Variants in ITSN1 observed in about 807,000 individuals in gnomAD.
ITSN1 encodes intersectin 1.
A neutral mutation model predicts 239.8 loss-of-function variants in ITSN1; 58 were observed. That is an observed-to-expected ratio of 0.24 (90% CI 0.20 to 0.30). The LOEUF (loss-of-function observed/expected upper bound fraction) is 0.30, where lower values mean the gene tolerates loss of function less well. Among genes scored for constraint, ITSN1 ranks in the 10% least tolerant of loss-of-function variants. ITSN1 has a pLI of 1.00. For missense variants in ITSN1, 1,558 were observed against 2,103.3 expected (o/e 0.74, Z 5.07); for synonymous variants, 780 against 770.8 (o/e 1.01, Z -0.20).
At chr21:33,731,973 CATCA>C (rs925916609) in intron 4 of ITSN1, among the ~76,000 whole-genome samples, 2 of 152,140 alleles carry the variant, frequency 1.3e-5, no homozygotes, top group East Asian at 3.9e-4. Context: ...AGACATAAGA[CATCA>C]ATCAATATAT....
At chr21:33,699,342 T>C (rs949746000) in intron 1 of ITSN1, among the ~76,000 whole-genome samples, 2 of 152,222 alleles carry the variant, frequency 1.3e-5, no homozygotes, top group Non-Finnish European at 2.9e-5. Context: ...ATTACACTTA[T>C]TACCTTAGTA....
chr21:33,800,087 C>G (rs2071864069), intron 19 of ITSN1, among the ~76,000 whole-genome samples, 158 bp downstream of exon 19: 1 of 151,920 alleles, frequency 6.6e-6, no homozygotes, highest in Non-Finnish European at 1.5e-5. Context: ...TCTTTCTTTT[C>G]TATTAAAATG....
chr21:33,771,466 G>T (rs1309549388), intron 11 of ITSN1, among the ~76,000 whole-genome samples: 1 of 152,108 alleles, frequency 6.6e-6, no homozygotes, highest in Non-Finnish European at 1.5e-5. Context: ...AAATAAAATG[G>T]ACATAAAGTA....
chr21:33,837,050 A>G, intron 29 of ITSN1: 1 of 1,609,148 alleles, frequency 6.2e-7, no homozygotes, highest in Non-Finnish European at 8.5e-7. Flanking sequence ...ACTATCCCAT[A>G]TCACTGCCCA....
intron 25 of ITSN1, 29 bp downstream of exon 25, chr21:33,823,682 C>T (rs1213618855): frequency 1.9e-6 from 3 of 1,594,146 alleles, no homozygotes; most frequent in Admixed American, 3.5e-5. Context: ...TTTCCTCTCC[C>T]TTTCTGTGCG....
intron 21 of ITSN1, among the ~76,000 whole-genome samples, chr21:33,811,781 G>A (rs1324521071): frequency 2.6e-5 from 4 of 152,196 alleles, no homozygotes; most frequent in Admixed American, 2.0e-4. Context: ...TAAAAACTGT[G>A]TGTAAGCAGA....
At chr21:33,696,911 T>TA (rs1395677552) in intron 1 of ITSN1, among the ~76,000 whole-genome samples, 1 of 152,194 alleles carries the variant, frequency 6.6e-6, no homozygotes, top group East Asian at 1.9e-4. Flanking sequence ...TACCCAGAGA[T>TA]AAAGGTGACA....
At chr21:33,710,868 C>T (rs953563885) in intron 1 of ITSN1, among the ~76,000 whole-genome samples, 4 of 149,524 alleles carry the variant, frequency 2.7e-5, no homozygotes, top group East Asian at 2.0e-4. Flanking sequence ...TGCAGTGCTG[C>T]GATCTCGGCT....
At chr21:33,785,834 G>C (rs1332282781) in intron 16 of ITSN1, among the ~76,000 whole-genome samples, 3 of 152,110 alleles carry the variant, frequency 2.0e-5, no homozygotes, top group Non-Finnish European at 1.5e-5. Context: ...CGTTTTAATA[G>C]ATATTTACCT....
In ITSN1 at chr21:33,805,908, A is replaced by G. The variant is rs967085376; in HGVS notation, c.2319+3464A>G. Among the ~76,000 whole-genome samples, 7 of 145,964 alleles carry G rather than the reference A, an allele frequency of 4.8e-5. No homozygotes were observed. In the South Asian group the frequency reaches 1.6e-3, roughly 33 times the overall value. Reference sequence around the variant, plus strand: ...AGGATGGTCTCAATCTCCTGACCTCAGAAAGAGTTTTAAGGCCGGGCGCGG... The same window carrying G: ...AGGATGGTCTCAATCTCCTGACCTCGGAAAGAGTTTTAAGGCCGGGCGCGG... On this transcript the variant is annotated intron_variant, in intron 20 of 39. Coordinates refer to ENST00000381318, the MANE Select transcript of ITSN1 (RefSeq NM_003024.3).
chr21:33,884,010 C>T (rs1027642970), intron 36 of ITSN1, among the ~76,000 whole-genome samples: 1 of 151,528 alleles, frequency 6.6e-6, no homozygotes, highest in African/African-American at 2.4e-5. Context: ...GGTAATCCTC[C>T]CACCCTAGCC....
chr21:33,676,836 A>G (rs573813941), intron 1 of ITSN1, among the ~76,000 whole-genome samples: 1 of 152,236 alleles, frequency 6.6e-6, no homozygotes, highest in East Asian at 1.9e-4. Flanking sequence ...CCATGCCCCT[A>G]CAAAGGATGT....
At chr21:33,771,156 G>T (rs773274968) in intron 11 of ITSN1, among the ~76,000 whole-genome samples, 1 of 152,168 alleles carries the variant, frequency 6.6e-6, no homozygotes, top group South Asian at 2.1e-4. Context: ...ATACTTGCCC[G>T]CTTTCATCTC....
At chr21:33,643,400 A>ACCCTTGCTTG (rs2087619282) in intron 1 of ITSN1, 2 of 152,100 alleles carry the variant, frequency 1.3e-5, no homozygotes, top group Admixed American at 6.5e-5. Context: ...TGGACCCAAG[A>ACCCTTGCTTG]CACAATTGCA....
chr21:33,818,149 T>A lies in ITSN1; in HGVS notation c.2728-118T>A. Reference sequence around the variant, plus strand: ...TCCTGCTGTGCTGCCTCAGGGCCCTTTGTGGCTGTGTGTGCTTGTCTGGCC... The same window carrying A: ...TCCTGCTGTGCTGCCTCAGGGCCCTATGTGGCTGTGTGTGCTTGTCTGGCC... On this transcript the variant is annotated intron_variant, in intron 22 of 39. Coordinates refer to ENST00000381318, the MANE Select transcript of ITSN1 (RefSeq NM_003024.3). 5 of 763,796 alleles carry A rather than the reference T, an allele frequency of 6.5e-6. No homozygotes were observed. The South Asian group carries it at 8.6e-5, about 13-fold the overall frequency. 47.3% of individuals were successfully genotyped at this position (763,796 alleles called of 1,614,324 possible). A position where few individuals can be genotyped will look rare whatever the true frequency, so the allele number is the denominator to read the frequency against.
At chr21:33,772,849 C>T (rs1466030157) in intron 12 of ITSN1, among the ~76,000 whole-genome samples, 1 of 152,118 alleles carries the variant, frequency 6.6e-6, no homozygotes, top group African/African-American at 2.4e-5. Flanking sequence ...TAACAAACCA[C>T]TGATACCAGT....
chr21:33,663,815 G>A (rs1443122745), intron 1 of ITSN1, among the ~76,000 whole-genome samples: 1 of 152,140 alleles, frequency 6.6e-6, no homozygotes, highest in Admixed American at 6.5e-5. Flanking sequence ...TGTTGAGGCT[G>A]GTCTCGAACT....
At chr21:33,686,978 A>G (rs1296699212) in intron 1 of ITSN1, among the ~76,000 whole-genome samples, 1 of 152,074 alleles carries the variant, frequency 6.6e-6, no homozygotes, top group African/African-American at 2.4e-5. Context: ...CATGCTTCCT[A>G]TATATTTTGC....
chr21:33,772,121 G>A lies in ITSN1; in HGVS notation c.1103G>A (p.Arg368Gln). 1 of 1,614,220 alleles carries A rather than the reference G, an allele frequency of 6.2e-7. No homozygotes were observed. ...FERGNLELEK[R>Q]RQALLEQQRK... is the part of the protein sequence containing the mutation. ...CGTGGCAACCTGGAACTGGAGAAAC[G>A]AAGGCAAGCTCTCCTGGAACAGCAG... is the stretch of plus-strand genomic sequence containing the variant. The change falls in exon 12 of 40, where the codon CGA becomes CAA. Residue 368 changes from arginine (R) to glutamine (Q), a missense_variant. Arg to Gln is a conservative substitution (Grantham distance 43). This residue lies in a region of ITSN1 where 982 missense variants were observed against 1,209.9 expected (regional missense o/e 0.81). Coordinates refer to ENST00000381318, the MANE Select transcript of ITSN1 (RefSeq NM_003024.3).
Sources: allele counts gnomAD v4.1 joint callset (sites outside exome capture counted in the v4.1 genomes callset), GRCh38; gene constraint gnomAD v4.1.1; regional missense constraint gnomAD v4.1.1; transcripts MANE v1.5; gene names NCBI Gene and HGNC (gene_info 2026-07-23, HGNC 2026-07-21).